Variants in COG7 observed in about 807,000 individuals in gnomAD.
COG7 encodes the protein component of oligomeric golgi complex 7.
A neutral mutation model predicts 91.5 loss-of-function variants in COG7; 49 were observed. The ratio of observed to expected loss-of-function variants is 0.54; its 90% CI spans 0.43 to 0.68. COG7 has a LOEUF of 0.68. Among genes scored for constraint, COG7 ranks in the 30% least tolerant of loss-of-function variants. COG7 has a pLI of 0.00. For synonymous variants in COG7, 365 were observed against 388.7 expected, an observed-to-expected ratio of 0.94 and a Z score of 0.72; for missense variants, 895 against 961.3, an observed-to-expected ratio of 0.93 and a Z score of 0.91.
At chr16:23,438,695 G>T (rs1464366087) in intron 4 of COG7, among the ~76,000 whole-genome samples, 1 of 151,542 alleles carries the variant, frequency 6.6e-6, no homozygotes, top group East Asian at 1.9e-4. Flanking sequence ...AAAACCATAA[G>T]ATACCATTTC....
intron 6 of COG7, among the ~76,000 whole-genome samples, chr16:23,430,887 G>A (rs1322873463): frequency 6.6e-6 from 1 of 151,866 alleles, no homozygotes; most frequent in Non-Finnish European, 1.5e-5. Flanking sequence ...TGATTGACTG[G>A]GCACTTTGGC....
At chr16:23,435,588 G>A (rs1249117475) in intron 4 of COG7, among the ~76,000 whole-genome samples, 1 of 152,174 alleles carries the variant, frequency 6.6e-6, no homozygotes, top group Non-Finnish European at 1.5e-5. Context: ...TCTCTGAATA[G>A]TGTGCACAGC....
rs575695734 is a variant in COG7, at chr16:23,425,128, G to A, written c.811-181C>T. Among the ~76,000 whole-genome samples, 106 of 152,282 alleles carry A rather than the reference G, an allele frequency of 7.0e-4. No homozygotes were observed. In the Middle Eastern group the frequency reaches 0.01, roughly 15 times the overall value. Reference sequence around the variant, plus strand: ...AGTTCAAGACCAGCTTGGCCAACACGGCAAGACCCTGTCTCTACTAAAAAT... The same window carrying A: ...AGTTCAAGACCAGCTTGGCCAACACAGCAAGACCCTGTCTCTACTAAAAAT... On this transcript the variant is annotated intron_variant, in intron 6 of 16. Coordinates refer to ENST00000307149, the MANE Select transcript of COG7 (RefSeq NM_153603.4).
At chr16:23,449,795 G>A (rs957457413) in intron 1 of COG7, among the ~76,000 whole-genome samples, 1 of 150,686 alleles carries the variant, frequency 6.6e-6, no homozygotes, top group Non-Finnish European at 1.5e-5. Context: ...AATAGTCCCT[G>A]TTCCTGAGGG....
At chr16:23,414,857 C>T (rs573565394) in intron 9 of COG7, 3 of 152,256 alleles carry the variant, frequency 2.0e-5, no homozygotes, top group African/African-American at 7.2e-5. Context: ...CTGAAAGCTA[C>T]GAAACCTGTG....
intron 15 of COG7, 132 bp downstream of exon 15, chr16:23,393,101 G>A (rs1440481301): frequency 1.4e-6 from 1 of 718,242 alleles, no homozygotes. Flanking sequence ...TGTACAAAAA[G>A]TACATGTTAG....
At chr16:23,410,486 C>T (rs1293758200) in intron 10 of COG7, 126 bp from the exon 11 acceptor site, 2 of 780,744 alleles carry the variant, frequency 2.6e-6, no homozygotes, top group Non-Finnish European at 4.5e-6. Flanking sequence ...TCTGGGAAAG[C>T]CGTTAAACAT....
At position 23,452,925 on chromosome 16, in the gene COG7, C is replaced by G; in HGVS notation, c.70G>C (p.Gly24Arg). 4 of 1,614,126 alleles carry G rather than the reference C, an allele frequency of 2.5e-6. No individual in the cohort carries two copies. Among genetic ancestry groups the G allele is most frequent in the Non-Finnish European group, 3.4e-6 (4 of 1,180,002 alleles). ...TTCCCGGACGCCGCCTCCTTGGAGC[C>G]GGCCCTGAAGGCCGCATTGATCCAC... is the stretch of plus-strand genomic sequence containing the variant. ...KEWINAAFRA[G>R]SKEAASGKAD... Residue 24 changes from glycine to arginine, a missense_variant, in exon 1 of 17, where the codon GGC becomes CGC. Coordinates refer to ENST00000307149, the MANE Select transcript of COG7 (RefSeq NM_153603.4).
chr16:23,400,980 G>A (rs542717777), intron 13 of COG7, among the ~76,000 whole-genome samples: 5 of 145,424 alleles, frequency 3.4e-5, no homozygotes, highest in African/African-American at 1.0e-4. Flanking sequence ...AAAAAAAAAA[G>A]GGGGGGGGGA....
rs576223918 is a variant in COG7 at position 23,414,891 on chromosome 16, C to G, written c.1293-1327G>C. ...TGACATTTGCATGCATCACAAGAGG[C>G]CTTGCCGCTTGCCCCTCCCAAAACG... On this transcript the variant is annotated intron_variant, in intron 9 of 16. Transcript: ENST00000307149. The G allele has an allele frequency of 8.5e-5, 13 of 152,388 alleles. No homozygotes were observed. The South Asian group carries it at 1.0e-3, about 12-fold the overall frequency. 9.4% of individuals were successfully genotyped at this position (152,388 alleles called of 1,614,324 possible).
At chr16:23,451,341 G>A (rs534570984) in intron 1 of COG7, among the ~76,000 whole-genome samples, 17 of 151,428 alleles carry the variant, frequency 1.1e-4, no homozygotes, top group African/African-American at 3.4e-4. Context: ...ATCAACACAC[G>A]GTGAATAAAA....
At chr16:23,389,924 C>G (rs1360787816) in intron 16 of COG7, 1 of 152,260 alleles carries the variant, frequency 6.6e-6, no homozygotes, top group Non-Finnish European at 1.5e-5. Flanking sequence ...GGTGTGACCT[C>G]AGAGAAGCCC....
rs774701341 is a variant in COG7 at position 23,398,130 on chromosome 16, C to A, written c.1804-1G>T. On this transcript the variant is annotated splice_acceptor_variant, in intron 13 of 16. Coordinates refer to ENST00000307149, the MANE Select transcript of COG7 (RefSeq NM_153603.4). LOFTEE classifies it high-confidence loss of function. ...CTCCGATGCCAGCCGTATTCCAGCT[C>A]TAAGGGTGGAACGAGAGGACACAAT... The A allele has an allele frequency of 6.2e-7, 1 of 1,613,398 alleles. No homozygotes were observed. The highest frequency in any genetic ancestry group is 1.1e-5 in the South Asian group (1 of 91,058).
chr16:23,416,485 C>T (rs908820614), intron 9 of COG7: 12 of 228,424 alleles, frequency 5.3e-5, no homozygotes, highest in Non-Finnish European at 1.0e-4. Context: ...CCACAGTTCA[C>T]AGAGGCATGC....
At chr16:23,402,076 G>GA (rs1225594250) in intron 13 of COG7, among the ~76,000 whole-genome samples, 1 of 152,034 alleles carries the variant, frequency 6.6e-6, no homozygotes, top group Non-Finnish European at 1.5e-5. Context: ...GAAAAGAAAA[G>GA]AAAAATGTCT....
chr16:23,417,672 C>T (rs561959706), intron 8 of COG7, among the ~76,000 whole-genome samples: 2 of 152,226 alleles, frequency 1.3e-5, no homozygotes, highest in South Asian at 2.1e-4. Flanking sequence ...GTGGGAGGAT[C>T]GCTTGAGCCT....
chr16:23,445,990 C>G, intron 1 of COG7, 29 bp from the exon 2 acceptor site: 1 of 1,527,480 alleles, frequency 6.5e-7, no homozygotes, highest in Non-Finnish European at 8.9e-7. Flanking sequence ...AAAAAAACAA[C>G]AACAACAGCG....
chr16:23,392,139 C>T (rs1963207085), intron 16 of COG7: 2 of 1,400,310 alleles, frequency 1.4e-6, no homozygotes, highest in South Asian at 2.9e-5. Context: ...ACTGAAGCTC[C>T]CCTCAACGGT....
intron 6 of COG7, among the ~76,000 whole-genome samples, chr16:23,428,994 T>C (rs1567341926): frequency 6.7e-6 from 1 of 149,876 alleles, no homozygotes; most frequent in Non-Finnish European, 1.5e-5. Flanking sequence ...CACCCAGCCA[T>C]CTTTCTTTTT....
Sources: allele counts gnomAD v4.1 joint callset (sites outside exome capture counted in the v4.1 genomes callset), GRCh38; gene constraint gnomAD v4.1.1; transcripts MANE v1.5; gene names NCBI Gene and HGNC (gene_info 2026-07-23, HGNC 2026-07-21).